The following IQSEC2 variants were observed in gnomAD, a reference collection of about 807,000 sequenced individuals.
IQSEC2 encodes the protein IQ motif and SEC7 domain-containing protein 2.
A neutral mutation model predicts 74.6 loss-of-function variants in IQSEC2; 6 were observed. That is an observed-to-expected ratio of 0.08 (90% confidence interval 0.04 to 0.16). The LOEUF (loss-of-function observed/expected upper bound fraction) is 0.16. Ranked by LOEUF, IQSEC2 falls within the 10% of genes least tolerant of loss-of-function variation. The pLI is 1.00. For synonymous variants in IQSEC2, 494 were observed against 544.5 expected (o/e 0.91, Z 1.29); for missense variants, 734 against 1,306.2 (o/e 0.56, Z 6.75).
At chrX:53,266,471 G>A in intron 2 of IQSEC2, 2 of 757,011 alleles carry the variant, frequency 2.6e-6, no homozygotes, top group Non-Finnish European at 3.1e-6. Context: ...TGGAGGAGAT[G>A]GCAGCAATGG....
intron 2 of IQSEC2, chrX:53,266,941 A>T: frequency 8.7e-7 from 1 of 1,148,861 alleles, no homozygotes; most frequent in Non-Finnish European, 1.2e-6. Context: ...GCTTCTGCAT[A>T]GAAAATGGCC....
intron 1 of IQSEC2, among the ~76,000 whole-genome samples, chrX:53,313,796 C>A (rs1287682655): frequency 1.8e-5 from 2 of 111,758 alleles, no homozygotes; most frequent in Non-Finnish European, 3.8e-5. Flanking sequence ...GAAGACTTGG[C>A]ATCGAGGGTC....
intron 11 of IQSEC2, 32 bp downstream of exon 11, chrX:53,239,163 T>C (rs2074180141): frequency 9.5e-7 from 1 of 1,049,318 alleles, no homozygotes; most frequent in Non-Finnish European, 1.3e-6. Flanking sequence ...TGACATAGAC[T>C]CTCAGGAGCT....
Position 53,248,715 on chromosome X carries a change from C to T in IQSEC2, c.2459+6G>A, listed in dbSNP as rs782444393. ...GGCCCAGCCTGCCCCATCCTGGGGT[C>T]CTCACTCCAACACGTCTCTGTTGAA... On this transcript the variant is annotated splice_donor_region_variant and intron_variant, in intron 6 of 14. Coordinates refer to ENST00000642864, the MANE Select transcript of IQSEC2 (RefSeq NM_001111125.3). The T allele has an allele frequency of 9.9e-6, 12 of 1,209,317 alleles. No homozygotes were observed. In the South Asian group the frequency reaches 1.9e-4, roughly 20 times the overall value.
chrX:53,264,610 A>G (rs1020824657), intron 2 of IQSEC2, among the ~76,000 whole-genome samples: 1 of 108,616 alleles, frequency 9.2e-6, no homozygotes, highest in Non-Finnish European at 1.9e-5. Context: ...GCGCTCCCCC[A>G]GGTTTTTGTC....
chrX:53,257,088 G>T (rs1602295907), intron 2 of IQSEC2, among the ~76,000 whole-genome samples: 1 of 112,060 alleles, frequency 8.9e-6, no homozygotes, highest in East Asian at 2.8e-4. Flanking sequence ...GAGGCATGGA[G>T]GAGGCTGTGG....
At chrX:53,235,629 T>C (rs1247158892) in intron 14 of IQSEC2, among the ~76,000 whole-genome samples, 154 bp downstream of exon 14, 1 of 109,240 alleles carries the variant, frequency 9.2e-6, no homozygotes, top group East Asian at 2.9e-4. Flanking sequence ...ACAGACAGAG[T>C]TGAGGACAGA....
chrX:53,240,958 T>G (rs1011986028), intron 10 of IQSEC2, among the ~76,000 whole-genome samples: 11 of 110,889 alleles, frequency 9.9e-5, no homozygotes, highest in African/African-American at 3.6e-4. Context: ...ATATTTTTAG[T>G]AGAGACGAGG....
At chrX:53,277,420 T>C (rs902222393) in intron 2 of IQSEC2, among the ~76,000 whole-genome samples, 3 of 109,670 alleles carry the variant, frequency 2.7e-5, no homozygotes, top group Non-Finnish European at 5.7e-5. Context: ...GGGGTTTCAC[T>C]ATGTTGGCCA....
intron 1 of IQSEC2, among the ~76,000 whole-genome samples, chrX:53,312,020 TC>T (rs2075326609): frequency 9.0e-6 from 1 of 110,895 alleles, no homozygotes; most frequent in African/African-American, 3.3e-5. Context: ...CCCTCCAGAC[TC>T]CCCTGCGAGT....
intron 2 of IQSEC2, 85 bp downstream of exon 2, chrX:53,291,810 A>C: frequency 1.2e-5 from 11 of 888,710 alleles, no homozygotes; most frequent in Non-Finnish European, 1.7e-5. Context: ...CCCCTTGCCC[A>C]TGGATCCTGC....
chrX:53,270,083 C>T (rs2074719286), intron 2 of IQSEC2, among the ~76,000 whole-genome samples: 1 of 110,727 alleles, frequency 9.0e-6, no homozygotes, highest in Admixed American at 9.6e-5. Context: ...GAGCCCAATG[C>T]TTGCTGGACA....
intron 5 of IQSEC2, 49 bp downstream of exon 5, chrX:53,250,230 A>T (rs1425604571): frequency 8.4e-7 from 1 of 1,183,715 alleles, no homozygotes; most frequent in Non-Finnish European, 1.1e-6. Context: ...ACCCAAGTGC[A>T]TGTGGCAGGG....
At chrX:53,318,565 T>C (rs1451240243) in intron 1 of IQSEC2, among the ~76,000 whole-genome samples, 1 of 112,486 alleles carries the variant, frequency 8.9e-6, no homozygotes, top group Non-Finnish European at 1.9e-5. Context: ...TCAGGAATCA[T>C]GCTTCCTCCA....
rs2074103521 is a variant in IQSEC2, at chrX:53,234,948, A to G, written c.3738T>C (p.His1246=). ...SSTHHHHHHH[H]HGHSHGGLGV... is the part of the protein sequence containing the mutation. ...CCAGGCCACCGTGGCTATGGCCATG[A>G]TGGTGGTGGTGGTGGTGGTGGTGCG... is the stretch of plus-strand genomic sequence containing the variant. The change falls in exon 15 of 15, where the codon CAT becomes CAC. Residue 1246 remains histidine (H), a synonymous_variant. Coordinates refer to ENST00000642864, the MANE Select transcript of IQSEC2 (RefSeq NM_001111125.3). The G allele has an allele frequency of 1.7e-6, 2 of 1,162,364 alleles. No homozygotes were observed. The highest frequency in any genetic ancestry group is 3.6e-5 in the African/African-American group (2 of 55,321).
chrX:53,236,267 A>T (rs1378420670), intron 13 of IQSEC2, 55 bp downstream of exon 13: 2 of 1,140,237 alleles, frequency 1.8e-6, no homozygotes, highest in Non-Finnish European at 2.4e-6. Context: ...CAGGAGGCAA[A>T]GAGGACACCC....
Position 53,284,530 on chromosome X carries a change from T to A in IQSEC2, c.737+7365A>T, listed in dbSNP as rs148478423. On this transcript the variant is annotated intron_variant, in intron 2 of 14. Transcript: ENST00000642864. ...TCTCCCCACCTGGCTGGCTCCCCCT[T>A]GTTCTTCAAAAGTCAGCTAGATGTT... 7.0e-3 allele frequency among the ~76,000 whole-genome samples: 779 copies of A among 111,308 alleles called. 5 individuals are homozygous for A. The highest frequency in any genetic ancestry group is 0.024 in the African/African-American group (720 of 30,602).
chrX:53,311,516 G>A (rs1003481969), intron 1 of IQSEC2, among the ~76,000 whole-genome samples: 1 of 111,153 alleles, frequency 9.0e-6, no homozygotes, highest in African/African-American at 3.3e-5. Flanking sequence ...CCTCCTCCCT[G>A]GATACCCTCC....
intron 1 of IQSEC2, among the ~76,000 whole-genome samples, chrX:53,301,353 C>T (rs1334032521): frequency 9.0e-6 from 1 of 111,480 alleles, no homozygotes; most frequent in African/African-American, 3.3e-5. Flanking sequence ...CAGCCTATTA[C>T]GAATCACAAT....
Sources: gnomAD v4.1 joint callset for allele counts (sites outside exome capture counted in the v4.1 genomes callset) on GRCh38, gnomAD v4.1.1 for gene constraint, MANE v1.5 for transcripts, NCBI Gene and HGNC (gene_info 2026-07-23, HGNC 2026-07-21) for gene names.